Variants in NAV2 observed in about 807,000 individuals in gnomAD.
NAV2 encodes the protein neuron navigator 2.
NAV2 carries 54 observed loss-of-function variants against 223.2 expected under a neutral mutation model. The observed-to-expected ratio is 0.24, with a 90% CI of 0.19 to 0.30. The LOEUF (loss-of-function observed/expected upper bound fraction) is 0.30. Ranked by LOEUF, NAV2 falls within the 10% of genes least tolerant of loss-of-function variation. The pLI is 1.00. For synonymous variants in NAV2, 1,279 were observed against 1,239.3 expected, an observed-to-expected ratio of 1.03 and a Z score of -0.67; for missense variants, 2,806 against 3,147.5, an observed-to-expected ratio of 0.89 and a Z score of 2.60.
intron 1 of NAV2, among the ~76,000 whole-genome samples, chr11:19,658,679 G>A (rs2048191301): frequency 6.6e-6 from 1 of 152,158 alleles, no homozygotes; most frequent in Admixed American, 6.5e-5. Flanking sequence ...GCTCTGACTG[G>A]CTCATGAGAA....
chr11:20,087,120 G>A (rs949653626), intron 26 of NAV2, among the ~76,000 whole-genome samples: 1 of 152,164 alleles, frequency 6.6e-6, no homozygotes, highest in Non-Finnish European at 1.5e-5. Flanking sequence ...CAGCAAGGTG[G>A]GAGGAAACCT....
chr11:19,999,295 A>G (rs1296557326), intron 11 of NAV2, among the ~76,000 whole-genome samples: 4 of 152,276 alleles, frequency 2.6e-5, no homozygotes, highest in African/African-American at 9.6e-5. Flanking sequence ...CTTCAAAAAA[A>G]TCGGGTTATT....
intron 35 of NAV2, among the ~76,000 whole-genome samples, chr11:20,106,151 GTGTGTATATATATATATATATATA>G (rs1329549128): frequency 1.1e-3 from 21 of 19,534 alleles, no homozygotes; most frequent in East Asian, 3.3e-3. Flanking sequence ...ATATGTGTGT[GTGTGTATATATATATATATATATA>G]TGTGTGTGTA....
chr11:19,954,684 A>G (rs2585779), intron 10 of NAV2, among the ~76,000 whole-genome samples: 138,323 of 152,144 alleles, frequency 0.91, 62,967 homozygotes, highest in East Asian at 0.98. Flanking sequence ...CATGTATAAT[A>G]CCTTGTATCT....
chr11:19,383,155 C>T, intron 1 of NAV2, among the ~76,000 whole-genome samples: 1 of 152,198 alleles, frequency 6.6e-6, no homozygotes, highest in East Asian at 1.9e-4. Context: ...CATCTCTATT[C>T]TCTCTGTCCT....
At chr11:19,644,437 A>G (rs2047760113) in intron 1 of NAV2, among the ~76,000 whole-genome samples, 1 of 152,228 alleles carries the variant, frequency 6.6e-6, no homozygotes, top group African/African-American at 2.4e-5. Flanking sequence ...GTGGATATGA[A>G]TTAATGCATC....
At chr11:19,982,005 CA>C (rs2050336194) in intron 10 of NAV2, among the ~76,000 whole-genome samples, 1 of 152,012 alleles carries the variant, frequency 6.6e-6, no homozygotes, top group Non-Finnish European at 1.5e-5. Flanking sequence ...ATTCATTCAA[CA>C]AAAACAGCAT....
chr11:20,060,985 C>G (rs931221643), intron 19 of NAV2, among the ~76,000 whole-genome samples: 2 of 152,138 alleles, frequency 1.3e-5, no homozygotes, highest in African/African-American at 4.8e-5. Flanking sequence ...AAGGTGAGTT[C>G]ACTTCGTGGG....
At chr11:19,791,680 G>T (rs559395080) in intron 1 of NAV2, among the ~76,000 whole-genome samples, 2 of 152,302 alleles carry the variant, frequency 1.3e-5, no homozygotes, top group Admixed American at 6.5e-5. Flanking sequence ...GAGTGTTTGG[G>T]TTGGAATCTC....
At chr11:20,067,463 G>T (rs996640132) in intron 20 of NAV2, among the ~76,000 whole-genome samples, 4 of 151,924 alleles carry the variant, frequency 2.6e-5, no homozygotes, top group South Asian at 2.1e-4. Context: ...CCCTAATATT[G>T]CATGGGACAT....
At chr11:20,057,614 C>T (rs2058447183) in intron 19 of NAV2, among the ~76,000 whole-genome samples, 2 of 152,188 alleles carry the variant, frequency 1.3e-5, no homozygotes, top group Non-Finnish European at 2.9e-5. Context: ...ACTGGCCAAG[C>T]ATCGCCACAG....
intron 1 of NAV2, among the ~76,000 whole-genome samples, chr11:19,705,010 CAAAAA>C (rs1244386651): frequency 2.1e-5 from 1 of 47,538 alleles, no homozygotes; most frequent in Admixed American, 2.3e-4. Flanking sequence ...GACTCCGTCT[CAAAAA>C]AAAAAAAAAA....
chr11:19,725,701 G>T (rs187291690), intron 1 of NAV2, among the ~76,000 whole-genome samples: 38 of 152,232 alleles, frequency 2.5e-4, no homozygotes, highest in African/African-American at 8.9e-4. Flanking sequence ...TGTTTACCTG[G>T]CTAAAAATAT....
intron 1 of NAV2, among the ~76,000 whole-genome samples, chr11:19,590,955 C>T (rs867281237): frequency 2.2e-4 from 34 of 152,288 alleles, no homozygotes; most frequent in Middle Eastern, 3.4e-3. Flanking sequence ...TCAATACAGA[C>T]ATACTGATGA....
chr11:19,473,475 G>A (rs1022187732), intron 1 of NAV2, among the ~76,000 whole-genome samples: 2 of 152,180 alleles, frequency 1.3e-5, no homozygotes, highest in African/African-American at 2.4e-5. Flanking sequence ...GAAACTCCAA[G>A]TAAAATTGGT....
intron 1 of NAV2, among the ~76,000 whole-genome samples, chr11:19,451,574 C>G (rs796575316): frequency 6.6e-6 from 1 of 152,170 alleles, no homozygotes; most frequent in African/African-American, 2.4e-5. Context: ...AAACCAAGTT[C>G]GCAAATACTA....
chr11:19,777,808 G>C (rs561062040), intron 1 of NAV2: 5 of 452,478 alleles, frequency 1.1e-5, no homozygotes, highest in Admixed American at 2.4e-5. Flanking sequence ...GAGCTCTCTT[G>C]GATTGCACAC....
rs186604663 is a variant in NAV2, at chr11:19,717,219, T to A, written c.267+3257T>A. ...CTGCGGTCTTCCCACTCTTCATTGC[T>A]TTCTTTTTCCATCCTGCTCTGGCAG... is the stretch of plus-strand genomic sequence containing the variant. On this transcript the variant is annotated intron_variant, in intron 1 of 37. Coordinates refer to ENST00000349880, the MANE Select transcript of NAV2 (RefSeq NM_145117.5). Among the ~76,000 whole-genome samples the A allele has an allele frequency of 4.3e-4, 66 of 152,364 alleles. No individual in the cohort carries two copies. The East Asian group carries it at 8.3e-3, about 19-fold the overall frequency.
chr11:19,699,562 G>T (rs964572664), intron 1 of NAV2, among the ~76,000 whole-genome samples: 1 of 152,206 alleles, frequency 6.6e-6, no homozygotes, highest in Non-Finnish European at 1.5e-5. Flanking sequence ...ATTGCCTTGG[G>T]CACCTCGTAT....
Sources: allele counts gnomAD v4.1 joint callset (sites outside exome capture counted in the v4.1 genomes callset), GRCh38; gene constraint gnomAD v4.1.1; transcripts MANE v1.5; gene names NCBI Gene and HGNC (gene_info 2026-07-23, HGNC 2026-07-21).